Variants in GBF1 observed in about 807,000 individuals in gnomAD.
GBF1 encodes the protein golgi brefeldin A resistant guanine nucleotide exchange factor 1.
GBF1 carries 114 observed loss-of-function variants against 210.5 expected under a neutral mutation model. That is an observed-to-expected ratio of 0.54 (90% CI 0.47 to 0.63). The LOEUF is 0.63. GBF1 is among the 30% of genes least tolerant of loss of function. The pLI, the probability that GBF1 is intolerant of heterozygous loss-of-function variation, is 0.00. For synonymous variants in GBF1, 850 were observed against 889.2 expected (o/e 0.96, Z 0.78); for missense variants, 1,851 against 2,357.7 (o/e 0.79, Z 4.45).
intron 24 of GBF1, 102 bp from the exon 25 acceptor site, chr10:102,369,609 G>A (rs901182201): frequency 2.7e-6 from 3 of 1,098,576 alleles, no homozygotes; most frequent in Non-Finnish European, 2.7e-6. Flanking sequence ...ATAGCATAGG[G>A]GCAGAAGACT....
At chr10:102,246,905 T>C (rs562862500) in intron 1 of GBF1, among the ~76,000 whole-genome samples, 1 of 152,324 alleles carries the variant, frequency 6.6e-6, no homozygotes, top group East Asian at 1.9e-4. Flanking sequence ...TTGGGACTGC[T>C]CAGTTAATGC....
chr10:102,358,764 T>G (rs2059429892), intron 10 of GBF1, 35 bp downstream of exon 10: 1 of 1,358,820 alleles, frequency 7.4e-7, no homozygotes, highest in Non-Finnish European at 1.1e-6. Flanking sequence ...CTCTTCAGTA[T>G]TCCACTGTGG....
Position 102,352,259 on chromosome 10 carries a change from C to T in GBF1, c.524-199C>T, listed in dbSNP as rs191587776. Among the ~76,000 whole-genome samples the T allele has an allele frequency of 4.2e-3, 642 of 152,236 alleles. 2 individuals are homozygous for T. The highest frequency in any genetic ancestry group is 7.0e-3 in the Non-Finnish European group (474 of 68,014). On this transcript the variant is annotated intron_variant, in intron 6 of 39. Coordinates refer to ENST00000369983, the MANE Select transcript of GBF1 (RefSeq NM_001377137.1). ...GCAACCCCCTAGAACACATCTATAC[C>T]TCCCCTTTTTTCCCTGACTCAGTAG...
chr10:102,358,886 CT>C, intron 10 of GBF1, 157 bp downstream of exon 10: 1 of 617,958 alleles, frequency 1.6e-6, no homozygotes, highest in Non-Finnish European at 2.9e-6. Context: ...GTTGTACTGC[CT>C]TGAAAACCCA....
chr10:102,240,938 C>T (rs1260097862), upstream of GBF1, among the ~76,000 whole-genome samples: 3 of 152,202 alleles, frequency 2.0e-5, no homozygotes, highest in Non-Finnish European at 2.9e-5. Flanking sequence ...TGCCCCCACA[C>T]TGGGGGCCGC....
intron 8 of GBF1, among the ~76,000 whole-genome samples, chr10:102,356,556 G>A (rs552788574): frequency 1.3e-3 from 191 of 152,160 alleles, no homozygotes; most frequent in African/African-American, 4.4e-3. Flanking sequence ...ACGAGGTCAG[G>A]AGATCGAGAC....
At chr10:102,301,847 A>G (rs1024754295) in intron 3 of GBF1, among the ~76,000 whole-genome samples, 4 of 152,186 alleles carry the variant, frequency 2.6e-5, no homozygotes, top group African/African-American at 9.7e-5. Context: ...GACGCTCCTC[A>G]CTTCCCAGAA....
At position 102,307,682 on chromosome 10, in the gene GBF1, C is replaced by T. The variant is rs182643907; in HGVS notation, c.164-36369C>T. Among the ~76,000 whole-genome samples, 1,286 of 151,894 alleles carry T rather than the reference C, an allele frequency of 8.5e-3. 57 individuals carry two copies. The highest frequency in any genetic ancestry group is 0.073 in the Admixed American group (1,117 of 15,254). ...GGCGGGTGCCTATAGTCCCAGCTGC[C>T]GGGGAGGCTGAGGCAGCAGAATGGC... On this transcript the variant is annotated intron_variant, in intron 3 of 39. Coordinates refer to ENST00000369983, the MANE Select transcript of GBF1 (RefSeq NM_001377137.1).
intron 3 of GBF1, among the ~76,000 whole-genome samples, chr10:102,273,583 G>T (rs975628878): frequency 2.0e-5 from 3 of 152,172 alleles, no homozygotes; most frequent in Non-Finnish European, 4.4e-5. Context: ...CATGGGCAAG[G>T]AGTCAAGGAG....
rs1324747824 is a variant in GBF1, at chr10:102,376,305, A to G, written c.3920A>G (p.His1307Arg). 3.7e-6 allele frequency: 6 copies of G among 1,613,770 alleles called. No individual in the cohort carries two copies. In the African/African-American group the frequency reaches 8.0e-5, roughly 22 times the overall value. The change falls in exon 31 of 40, where the codon CAT (histidine) becomes CGT (arginine). Residue 1307 changes from histidine to arginine, a missense_variant. Coordinates refer to ENST00000369983, the MANE Select transcript of GBF1 (RefSeq NM_001377137.1). ...TCAGATAGTGAGCTCCCATCCTACC[A>G]TCAGAATGACGTGAGCCTGGATCGA... is the stretch of plus-strand genomic sequence containing the variant. ...AQSDSELPSYHQNDVSLDRGY... is the reference protein window; with the variant it reads ...AQSDSELPSYRQNDVSLDRGY...
chr10:102,370,576 C>T lies in GBF1; in HGVS notation c.3506+98C>T. ...GTGGGCTCTGGGGAACTGTAGGCAG[C>T]AGGGGAGAAGCTTACTCATCATACC... On this transcript the variant is annotated intron_variant, in intron 28 of 39. Transcript: ENST00000369983. 6 of 1,295,378 alleles carry T rather than the reference C, an allele frequency of 4.6e-6. 1 individual carries two copies. Among genetic ancestry groups the T allele is most frequent in the South Asian group, 2.4e-5 (2 of 83,870 alleles). The allele number at this position is 1,295,378 out of a possible 1,614,324, so 80.2% of individuals were successfully genotyped here.
rs554401427 is a variant in GBF1, at chr10:102,382,036, C to G, written c.5303-20C>G. The G allele has an allele frequency of 1.2e-5, 19 of 1,522,150 alleles. No homozygotes were observed. In the East Asian group the frequency reaches 3.0e-4, roughly 24 times the overall value. The allele number at this position is 1,522,150 out of a possible 1,614,324, so 94.3% of individuals were successfully genotyped here. A position where few individuals can be genotyped will look rare whatever the true frequency, so the allele number is the denominator to read the frequency against. On this transcript the variant is annotated intron_variant, in intron 39 of 39. Transcript: ENST00000369983. ...TACCAACAAGGGAATCTGACTGTAA[C>G]CACCTTGCTTTCCCTACAGACTTTG...
At chr10:102,264,084 G>T (rs1354920543) in intron 3 of GBF1, among the ~76,000 whole-genome samples, 6 of 152,146 alleles carry the variant, frequency 3.9e-5, no homozygotes, top group Non-Finnish European at 1.5e-5. Flanking sequence ...TAGTAGCGAT[G>T]GTTGCACAAC....
At chr10:102,248,278 CTTTTT>C (rs202223133) in intron 1 of GBF1, among the ~76,000 whole-genome samples, 24 of 141,358 alleles carry the variant, frequency 1.7e-4, no homozygotes, top group Non-Finnish European at 1.9e-4. Context: ...AGCTGTTACT[CTTTTT>C]TTTTTTTAAT....
At chr10:102,264,308 T>C (rs2073608887) in intron 3 of GBF1, among the ~76,000 whole-genome samples, 1 of 152,206 alleles carries the variant, frequency 6.6e-6, no homozygotes, top group Non-Finnish European at 1.5e-5. Flanking sequence ...CATAAGGCTC[T>C]GTTCAGCTTC....
At position 102,376,516 on chromosome 10, in the gene GBF1, C is replaced by T. The variant is rs377568405; in HGVS notation, c.4048-44C>T. 2.4e-5 allele frequency: 38 copies of T among 1,612,278 alleles called. No individual in the cohort carries two copies. In the African/African-American group the frequency reaches 5.1e-4, roughly 21 times the overall value. ...CTGGTCCTCTGCAAGGACATTCACA[C>T]AGGGGCCAAGCCTGTGTCCCCAGCT... On this transcript the variant is annotated intron_variant, in intron 31 of 39. Coordinates refer to ENST00000369983, the MANE Select transcript of GBF1 (RefSeq NM_001377137.1).
In GBF1 at chr10:102,363,349, A is replaced by T. The variant is rs2059719712; in HGVS notation, c.1970A>T (p.His657Leu). ...GGTGGAGGGCGGCTGCCACCAGAACATGGGAAATCAGGATGCAGTGATCTG... is the reference window on the plus strand; with the variant it reads ...GGTGGAGGGCGGCTGCCACCAGAACTTGGGAAATCAGGATGCAGTGATCTG... ...LPGGGRLPPE[H>L]GKSGCSDLEE... Residue 657 changes from histidine to leucine, a missense_variant, in exon 16 of 40, where the codon CAT (histidine) becomes CTT (leucine). Physicochemically the swap from His to Leu is moderately conservative, Grantham distance 99. Around this residue, in one of 3 missense-constraint regions of GBF1, gnomAD observed 804 missense variants for 958.6 expected, o/e 0.84. Coordinates refer to ENST00000369983, the MANE Select transcript of GBF1 (RefSeq NM_001377137.1). The surrounding 1 kb of genome is among the most constrained non-coding windows in gnomAD (Gnocchi z 4.2). 1 of 1,613,914 alleles carries T rather than the reference A, an allele frequency of 6.2e-7. No homozygotes were observed. Among genetic ancestry groups the T allele is most frequent in the Admixed American group, 1.7e-5 (1 of 59,998 alleles).
At chr10:102,345,237 G>A (rs1486691061) in intron 4 of GBF1, among the ~76,000 whole-genome samples, 3 of 139,076 alleles carry the variant, frequency 2.2e-5, no homozygotes, top group Non-Finnish European at 4.7e-5. Context: ...AGCAGAGATC[G>A]CGCCACTGTA....
chr10:102,310,485 A>G (rs1415058716), intron 3 of GBF1, among the ~76,000 whole-genome samples: 1 of 152,202 alleles, frequency 6.6e-6, no homozygotes, highest in Non-Finnish European at 1.5e-5. Context: ...TACTGCTGGC[A>G]TTCCCTAGAC....
Sources: allele counts gnomAD v4.1 joint callset (sites outside exome capture counted in the v4.1 genomes callset), GRCh38; gene constraint gnomAD v4.1.1; regional missense constraint gnomAD v4.1.1; non-coding constraint Gnocchi (gnomAD v3.1); transcripts MANE v1.5; gene names NCBI Gene and HGNC (gene_info 2026-07-23, HGNC 2026-07-21).